The following NKAIN2 variants were observed in gnomAD, a reference collection of about 807,000 sequenced individuals.
NKAIN2 encodes the protein sodium/potassium transporting ATPase interacting 2, also known as sodium/potassium-transporting ATPase subunit beta-1-interacting protein 2.
NKAIN2 carries 14 observed loss-of-function variants against 32.6 expected under a neutral mutation model. The ratio of observed to expected loss-of-function variants is 0.43; its 90% confidence interval spans 0.28 to 0.67. The LOEUF (loss-of-function observed/expected upper bound fraction) is 0.67, where lower values mean the gene tolerates loss of function less well. Ranked by LOEUF, NKAIN2 falls within the 30% of genes least tolerant of loss-of-function variation. The pLI is 0.17. For synonymous variants in NKAIN2, 80 were observed against 87.2 expected (o/e 0.92, Z 0.46); for missense variants, 198 against 258.3 (o/e 0.77, Z 1.60).
chr6:124,449,247 T>C (rs1776007773), intron 3 of NKAIN2, among the ~76,000 whole-genome samples: 1 of 152,104 alleles, frequency 6.6e-6, no homozygotes, highest in African/African-American at 2.4e-5. Context: ...TTTCCTAAAA[T>C]AGACCTTAAT....
intron 1 of NKAIN2, among the ~76,000 whole-genome samples, chr6:124,198,994 G>T (rs146106958): frequency 2.6e-5 from 4 of 152,042 alleles, no homozygotes; most frequent in African/African-American, 9.7e-5. Flanking sequence ...TCTTCTTTAC[G>T]TTATTTTATA....
intron 3 of NKAIN2, among the ~76,000 whole-genome samples, chr6:124,493,388 G>C (rs1777940089): frequency 6.6e-6 from 1 of 151,814 alleles, no homozygotes; most frequent in Non-Finnish European, 1.5e-5. Context: ...ATCTCAGTTG[G>C]GAAATACTCC....
chr6:124,102,592 G>A (rs76365190), intron 1 of NKAIN2, among the ~76,000 whole-genome samples: 4,288 of 152,202 alleles, frequency 0.028, 200 homozygotes, highest in African/African-American at 0.097. Flanking sequence ...AGATTCATCT[G>A]TATTGATCTA....
chr6:124,071,733 A>G (rs961928174), intron 1 of NKAIN2, among the ~76,000 whole-genome samples: 2 of 152,212 alleles, frequency 1.3e-5, no homozygotes, highest in Admixed American at 6.6e-5. Context: ...AATGCTCAAC[A>G]TTACTAACCA....
intron 1 of NKAIN2, among the ~76,000 whole-genome samples, chr6:124,139,172 T>G (rs1209431027): frequency 1.5e-5 from 2 of 137,120 alleles, no homozygotes; most frequent in Non-Finnish European, 3.0e-5. Flanking sequence ...CACTGCAAGC[T>G]CCGCTTCCCG....
At chr6:124,792,728 AG>A (rs1009208853) in intron 5 of NKAIN2, among the ~76,000 whole-genome samples, 8 of 152,118 alleles carry the variant, frequency 5.3e-5, no homozygotes, top group Admixed American at 1.3e-4. Context: ...TATGGAAGTG[AG>A]GGGTGGTCCC....
Position 124,612,285 on chromosome 6 carries a change from A to G in NKAIN2, c.274-45901A>G, listed in dbSNP as rs28634643. Among the ~76,000 whole-genome samples, 3,337 of 152,210 alleles carry G rather than the reference A, an allele frequency of 0.022. 201 individuals carry two copies. The East Asian group carries it at 0.26, about 12-fold the overall frequency. On this transcript the variant is annotated intron_variant, in intron 3 of 6. Transcript: ENST00000368417. ...AAACTGCTAGGGGGAAAAAAAGCAA[A>G]AACAGTTGCTTTGCATTAATAAAAA...
At chr6:124,445,843 C>T (rs1220606900) in intron 3 of NKAIN2, among the ~76,000 whole-genome samples, 3 of 151,872 alleles carry the variant, frequency 2.0e-5, no homozygotes, top group African/African-American at 7.3e-5. Flanking sequence ...TGCTATGTGA[C>T]CTCTTCACTG....
intron 1 of NKAIN2, among the ~76,000 whole-genome samples, chr6:124,219,274 T>TC (rs1791666847): frequency 1.0e-5 from 1 of 96,142 alleles, no homozygotes; most frequent in Non-Finnish European, 2.1e-5. Flanking sequence ...TTTTCTTTTT[T>TC]CTTTTTTTCT....
rs532381641 is a variant in NKAIN2, at chr6:123,827,675, G to T, written c.54+23421G>T. Among the ~76,000 whole-genome samples the T allele has an allele frequency of 3.0e-4, 46 of 152,180 alleles. No individual in the cohort carries two copies. The South Asian group carries it at 9.3e-3, about 31-fold the overall frequency. On this transcript the variant is annotated intron_variant, in intron 1 of 6. Coordinates refer to ENST00000368417, the MANE Select transcript of NKAIN2 (RefSeq NM_001040214.3). ...GAATTTGAACACTTTTTATGAAATGGTGCTATGATTAACATAGTAAAACTC... is the reference window on the plus strand; with the variant it reads ...GAATTTGAACACTTTTTATGAAATGTTGCTATGATTAACATAGTAAAACTC...
chr6:124,516,008 C>T (rs1331266767), intron 3 of NKAIN2, among the ~76,000 whole-genome samples: 1 of 152,086 alleles, frequency 6.6e-6, no homozygotes, highest in Non-Finnish European at 1.5e-5. Context: ...GCGATGATTT[C>T]TTCAAATTGT....
intron 1 of NKAIN2, among the ~76,000 whole-genome samples, chr6:123,998,127 T>C (rs1453289616): frequency 6.6e-6 from 1 of 152,152 alleles, no homozygotes; most frequent in Non-Finnish European, 1.5e-5. Context: ...TAGCTTTGAT[T>C]CTTTAATGTA....
chr6:123,831,922 G>A (rs1453059340), intron 1 of NKAIN2, among the ~76,000 whole-genome samples: 2 of 152,162 alleles, frequency 1.3e-5, no homozygotes, highest in Non-Finnish European at 2.9e-5. Flanking sequence ...GCAAAGTGCT[G>A]GGATTACAGG....
chr6:124,412,539 T>G (rs945731027), intron 3 of NKAIN2, among the ~76,000 whole-genome samples: 1 of 152,174 alleles, frequency 6.6e-6, no homozygotes, highest in Non-Finnish European at 1.5e-5. Context: ...CTGGAAGTTT[T>G]GTCTCAGAGG....
chr6:123,998,093 C>G (rs1779706398), intron 1 of NKAIN2, among the ~76,000 whole-genome samples: 1 of 152,094 alleles, frequency 6.6e-6, no homozygotes, highest in Admixed American at 6.5e-5. Context: ...ATAGGTTTTA[C>G]TCCTTAAATA....
At chr6:124,470,571 C>T (rs1324960445) in intron 3 of NKAIN2, among the ~76,000 whole-genome samples, 3 of 152,128 alleles carry the variant, frequency 2.0e-5, no homozygotes, top group Non-Finnish European at 4.4e-5. Flanking sequence ...TGCACACACA[C>T]ATACAAAGAA....
At chr6:124,143,691 A>G (rs916875330) in intron 1 of NKAIN2, among the ~76,000 whole-genome samples, 1 of 152,338 alleles carries the variant, frequency 6.6e-6, no homozygotes, top group Non-Finnish European at 1.5e-5. Context: ...GTCCAGAACA[A>G]GACAACATAA....
chr6:124,513,195 G>A (rs1288060867), intron 3 of NKAIN2, among the ~76,000 whole-genome samples: 5 of 152,060 alleles, frequency 3.3e-5, no homozygotes, highest in Admixed American at 2.0e-4. Flanking sequence ...TTTCTAATAC[G>A]TGACTAAAAG....
intron 3 of NKAIN2, among the ~76,000 whole-genome samples, chr6:124,604,259 C>A (rs1782415131): frequency 6.6e-6 from 1 of 151,882 alleles, no homozygotes; most frequent in African/African-American, 2.4e-5. Flanking sequence ...TTAAATTTTA[C>A]CCACTGATTT....
Sources: gnomAD v4.1 joint callset for allele counts (sites outside exome capture counted in the v4.1 genomes callset) on GRCh38, gnomAD v4.1.1 for gene constraint, MANE v1.5 for transcripts, NCBI Gene and HGNC (gene_info 2026-07-23, HGNC 2026-07-21) for gene names.